Variants in PLCZ1 observed in about 807,000 individuals in gnomAD.
PLCZ1 encodes the protein phospholipase C zeta 1, also known as 1-phosphatidylinositol 4,5-bisphosphate phosphodiesterase zeta-1.
PLCZ1 carries 64 observed loss-of-function variants against 76.8 expected under a neutral mutation model. That is an observed-to-expected ratio of 0.83 (90% CI 0.68 to 1.03). The LOEUF (loss-of-function observed/expected upper bound fraction) is 1.03, where lower values mean the gene tolerates loss of function less well. PLCZ1 is among the 50% of genes least tolerant of loss of function. The pLI is 0.00. For missense variants in PLCZ1, 751 were observed against 713.7 expected, an observed-to-expected ratio of 1.05 and a Z score of -0.60; for synonymous variants, 248 against 230.8, an observed-to-expected ratio of 1.07 and a Z score of -0.68.
the PLCZ1 span, among the ~76,000 whole-genome samples, chr12:18,674,405 A>C: frequency 6.6e-6 from 1 of 152,132 alleles, no homozygotes; most frequent in Non-Finnish European, 1.5e-5. Context: ...TGACAGTGGA[A>C]GCGTGTTGGT....
chr12:18,681,137 G>T (rs1952368732), downstream of PLCZ1, among the ~76,000 whole-genome samples: 1 of 151,970 alleles, frequency 6.6e-6, no homozygotes, highest in African/African-American at 2.4e-5. Flanking sequence ...TGTTCAACAA[G>T]GAAACACGAC....
chr12:18,679,048 T>C (rs1482747290), downstream of PLCZ1, among the ~76,000 whole-genome samples: 1 of 152,108 alleles, frequency 6.6e-6, no homozygotes, highest in Non-Finnish European at 1.5e-5. Flanking sequence ...TAACTCATTA[T>C]AGTGTTAAGT....
At chr12:18,710,547 C>G (rs963370303) in intron 6 of PLCZ1, among the ~76,000 whole-genome samples, 53 of 151,958 alleles carry the variant, frequency 3.5e-4, no homozygotes, top group African/African-American at 1.2e-3. Flanking sequence ...ATGACATAGT[C>G]TGAGTTACCA....
chr12:18,658,013 CA>C, the PLCZ1 span, among the ~76,000 whole-genome samples: 15 of 150,292 alleles, frequency 1.0e-4, no homozygotes, highest in South Asian at 8.4e-4. Flanking sequence ...ATGAAGTAAC[CA>C]AAAAAAAATT....
the PLCZ1 span, among the ~76,000 whole-genome samples, chr12:18,657,899 T>C: frequency 9.2e-5 from 14 of 152,250 alleles, no homozygotes; most frequent in East Asian, 1.5e-3. Context: ...AAATTAACTA[T>C]TTAAATATGC....
chr12:18,665,267 T>C, the PLCZ1 span, among the ~76,000 whole-genome samples: 1 of 152,034 alleles, frequency 6.6e-6, no homozygotes, highest in Non-Finnish European at 1.5e-5. Context: ...GTATATAGAC[T>C]TTCAGTTTTG....
chr12:18,671,373 A>G, the PLCZ1 span, among the ~76,000 whole-genome samples: 1 of 152,072 alleles, frequency 6.6e-6, no homozygotes, highest in African/African-American at 2.4e-5. Flanking sequence ...GGGAAGAAAC[A>G]GACACATGTA....
Position 18,684,253 on chromosome 12 carries a change from A to G in PLCZ1, c.1618T>C (p.Phe540Leu). The change falls in exon 14 of 15, where the codon TTC becomes CTC. Residue 540 changes from phenylalanine (F) to leucine (L), a missense_variant. Coordinates refer to ENST00000266505, the MANE Select transcript of PLCZ1 (RefSeq NM_033123.4). ...NAFSPRWNET[F>L]TFIIHVPELA... is the part of the protein sequence containing the mutation. The stretch of plus-strand genomic sequence containing the variant: ...TCTGGGACATGAATAATAAATGTGA[A>G]TGTTTCATTCCATCTTGGACTAAAA... 6.2e-7 allele frequency: 1 copy of G among 1,609,952 alleles called. No homozygotes were observed. The highest frequency in any genetic ancestry group is 8.5e-7 in the Non-Finnish European group (1 of 1,177,002).
chr12:18,691,111 CA>C lies in PLCZ1; in HGVS notation c.1462-2894del, dbSNP rs1465008583. On this transcript the variant is annotated intron_variant, in intron 12 of 14. Coordinates refer to ENST00000266505, the MANE Select transcript of PLCZ1 (RefSeq NM_033123.4). ...AGGAGAGCAGCAAAATAGGTCAGAT[CA>C]AGAGAATGGAGAAGGAAAATATTTA... Among the ~76,000 whole-genome samples the C allele has an allele frequency of 2.6e-5, 4 of 151,958 alleles. 1 individual carries two copies. In the South Asian group the frequency reaches 6.2e-4, roughly 24 times the overall value.
In PLCZ1 at chr12:18,693,373, A is replaced by C; in HGVS notation, c.1461+1537T>G. 4 of 1,603,854 alleles carry C rather than the reference A, an allele frequency of 2.5e-6. No homozygotes were observed. In the South Asian group the frequency reaches 3.3e-5, roughly 13 times the overall value. On this transcript the variant is annotated intron_variant, in intron 12 of 14. Transcript: ENST00000266505. ...GACAACCAAATTCGGGAAATTAAGG[A>C]ATCTGTGGAGCTTCCTCTCACCCAT... is the stretch of plus-strand genomic sequence containing the variant.
chr12:18,648,232 G>C, the PLCZ1 span: 2 of 317,948 alleles, frequency 6.3e-6, no homozygotes, highest in Non-Finnish European at 1.1e-5. Context: ...TTCTCCTTCA[G>C]TGGAGTACTG....
chr12:18,715,454 T>C (rs1211244728), intron 5 of PLCZ1, among the ~76,000 whole-genome samples: 1 of 151,464 alleles, frequency 6.6e-6, no homozygotes, highest in Non-Finnish European at 1.5e-5. Flanking sequence ...CAGACTGGGG[T>C]GCAGTGGCGC....
chr12:18,735,266 T>C (rs1959193147), intron 3 of PLCZ1, among the ~76,000 whole-genome samples: 1 of 152,218 alleles, frequency 6.6e-6, no homozygotes, highest in African/African-American at 2.4e-5. Flanking sequence ...GTTGACCTTA[T>C]AAAATAAAAC....
chr12:18,666,661 C>T, the PLCZ1 span, among the ~76,000 whole-genome samples: 76 of 152,176 alleles, frequency 5.0e-4, no homozygotes, highest in African/African-American at 7.5e-4. Flanking sequence ...AAGTACTAGA[C>T]GAAAGACAGA....
chr12:18,692,321 G>T (rs1954222757), intron 12 of PLCZ1, among the ~76,000 whole-genome samples: 1 of 152,134 alleles, frequency 6.6e-6, no homozygotes, highest in Admixed American at 6.6e-5. Flanking sequence ...AACAGGTACA[G>T]TTATAGCCTA....
the PLCZ1 span, among the ~76,000 whole-genome samples, chr12:18,658,181 T>G: frequency 9.2e-5 from 14 of 151,998 alleles, no homozygotes; most frequent in Non-Finnish European, 1.6e-4. Flanking sequence ...AATCAACAGA[T>G]CCTAAGAGAC....
the PLCZ1 span, among the ~76,000 whole-genome samples, chr12:18,653,148 T>C: frequency 6.6e-6 from 1 of 152,050 alleles, no homozygotes; most frequent in Admixed American, 6.6e-5. Flanking sequence ...ACTAATATCA[T>C]AAAACAAAGT....
intron 3 of PLCZ1, among the ~76,000 whole-genome samples, chr12:18,733,476 T>G (rs1959162287): frequency 6.6e-6 from 1 of 152,226 alleles, no homozygotes; most frequent in Non-Finnish European, 1.5e-5. Flanking sequence ...TTTCTATTTT[T>G]AGACAAGTTT....
At chr12:18,714,590 A>T (rs1214285042) in intron 5 of PLCZ1, 1 of 152,184 alleles carries the variant, frequency 6.6e-6, no homozygotes, top group African/African-American at 2.4e-5. Flanking sequence ...GAAAGAGGTT[A>T]AAAAAGCTCC....
Sources: gnomAD v4.1 joint callset for allele counts (sites outside exome capture counted in the v4.1 genomes callset) on GRCh38, gnomAD v4.1.1 for gene constraint, MANE v1.5 for transcripts, NCBI Gene and HGNC (gene_info 2026-07-23, HGNC 2026-07-21) for gene names.